The following ARHGAP15 variants were observed in gnomAD, a reference collection of about 807,000 sequenced individuals.
ARHGAP15 encodes rho GTPase-activating protein 15.
A neutral mutation model predicts 63.7 loss-of-function variants in ARHGAP15; 51 were observed. That is an observed-to-expected ratio of 0.80 (90% confidence interval 0.64 to 1.01). The LOEUF is 1.01. Among genes scored for constraint, ARHGAP15 ranks in the 50% least tolerant of loss-of-function variants. The pLI is 0.00. For synonymous variants in ARHGAP15, 191 were observed against 193.8 expected, an observed-to-expected ratio of 0.99 and a Z score of 0.12; for missense variants, 560 against 564.6, an observed-to-expected ratio of 0.99 and a Z score of 0.08.
intron 6 of ARHGAP15, among the ~76,000 whole-genome samples, chr2:143,393,390 T>A (rs562545038): frequency 1.4e-3 from 206 of 152,268 alleles, no homozygotes; most frequent in Non-Finnish European, 1.9e-3. Context: ...AGAAAATCTC[T>A]CTAGATAATT....
chr2:143,280,462 T>C (rs923597637), intron 6 of ARHGAP15, among the ~76,000 whole-genome samples: 1 of 152,132 alleles, frequency 6.6e-6, no homozygotes, highest in Non-Finnish European at 1.5e-5. Flanking sequence ...CACTTAAGAC[T>C]TGCACTACCA....
At chr2:143,651,901 A>G (rs1681184119) in intron 12 of ARHGAP15, among the ~76,000 whole-genome samples, 1 of 151,936 alleles carries the variant, frequency 6.6e-6, no homozygotes, top group Admixed American at 6.6e-5. Context: ...CAGTTTTATT[A>G]GGATTTTACG....
chr2:143,204,771 A>G (rs889716493), intron 3 of ARHGAP15, among the ~76,000 whole-genome samples: 3 of 152,042 alleles, frequency 2.0e-5, no homozygotes, highest in South Asian at 2.1e-4. Flanking sequence ...TTCTGCTCCA[A>G]TGAAGCTGAT....
chr2:143,191,192 A>T (rs1691674480), intron 2 of ARHGAP15, among the ~76,000 whole-genome samples: 1 of 152,238 alleles, frequency 6.6e-6, no homozygotes, highest in South Asian at 2.1e-4. Context: ...AGGAACTAGT[A>T]TCCAAAGTAT....
At chr2:143,176,168 A>T (rs1204605674) in intron 2 of ARHGAP15, among the ~76,000 whole-genome samples, 1 of 152,156 alleles carries the variant, frequency 6.6e-6, no homozygotes, top group Non-Finnish European at 1.5e-5. Flanking sequence ...ATACTTCAGG[A>T]GGCTTTTGTC....
At chr2:143,348,108 T>C (rs1037521973) in intron 6 of ARHGAP15, among the ~76,000 whole-genome samples, 1 of 152,164 alleles carries the variant, frequency 6.6e-6, no homozygotes, top group African/African-American at 2.4e-5. Flanking sequence ...ATCATATTTT[T>C]TCCCCAGTAA....
intron 13 of ARHGAP15, among the ~76,000 whole-genome samples, chr2:143,714,891 G>A (rs186041522): frequency 6.6e-6 from 1 of 152,240 alleles, no homozygotes; most frequent in African/African-American, 2.4e-5. Context: ...TCTTTAGGAG[G>A]TTCCAAACTT....
intron 6 of ARHGAP15, among the ~76,000 whole-genome samples, chr2:143,332,048 G>A (rs1221386306): frequency 2.0e-5 from 3 of 152,062 alleles, no homozygotes; most frequent in Non-Finnish European, 4.4e-5. Context: ...AAATAATAAT[G>A]CAGATGTTTG....
At chr2:143,733,198 T>C (rs1685614162) in intron 13 of ARHGAP15, among the ~76,000 whole-genome samples, 2 of 152,144 alleles carry the variant, frequency 1.3e-5, no homozygotes. Context: ...AGAGTACTTA[T>C]TATCAAATCG....
At chr2:143,234,889 C>T (rs1167424905) in intron 5 of ARHGAP15, among the ~76,000 whole-genome samples, 1 of 152,176 alleles carries the variant, frequency 6.6e-6, no homozygotes, top group Non-Finnish European at 1.5e-5. Flanking sequence ...TTTACAGTGG[C>T]AGTCCCACTG....
intron 12 of ARHGAP15, among the ~76,000 whole-genome samples, chr2:143,675,158 A>C (rs1682762520): frequency 6.6e-6 from 1 of 152,196 alleles, no homozygotes; most frequent in South Asian, 2.1e-4. Flanking sequence ...CCATCTCAAG[A>C]AACCACTTTC....
At chr2:143,254,361 A>G (rs1680312052) in intron 6 of ARHGAP15, among the ~76,000 whole-genome samples, 1 of 152,014 alleles carries the variant, frequency 6.6e-6, no homozygotes, top group South Asian at 2.1e-4. Context: ...ACAGTCTTTC[A>G]ATAAGAAGTT....
intron 8 of ARHGAP15, among the ~76,000 whole-genome samples, chr2:143,462,501 C>T (rs1690993283): frequency 6.6e-6 from 1 of 152,170 alleles, no homozygotes; most frequent in Non-Finnish European, 1.5e-5. Flanking sequence ...TTTACAGAAT[C>T]TCATACATCT....
intron 11 of ARHGAP15, among the ~76,000 whole-genome samples, chr2:143,596,220 G>C (rs1697512014): frequency 6.6e-6 from 1 of 152,132 alleles, no homozygotes; most frequent in Non-Finnish European, 1.5e-5. Flanking sequence ...TCTAGACTGA[G>C]TCAATATGAA....
At position 143,662,414 on chromosome 2, in the gene ARHGAP15, G is replaced by A. The variant is rs1265099246; in HGVS notation, c.1138+38147G>A. On this transcript the variant is annotated intron_variant, in intron 12 of 13. Transcript: ENST00000295095. ...GGACATCCACACCAAAAACCCATCT[G>A]TACATCACCATCATCAAAGACCAAA... 3.5e-5 allele frequency among the ~76,000 whole-genome samples: 5 copies of A among 144,868 alleles called. No individual in the cohort carries two copies. In the East Asian group the frequency reaches 1.0e-3, roughly 30 times the overall value.
chr2:143,763,185 T>C (rs1216460292), intron 13 of ARHGAP15, among the ~76,000 whole-genome samples: 1 of 152,090 alleles, frequency 6.6e-6, no homozygotes, highest in Non-Finnish European at 1.5e-5. Flanking sequence ...AATAATTAGA[T>C]GTAAAAAGAG....
intron 11 of ARHGAP15, among the ~76,000 whole-genome samples, chr2:143,557,117 T>C (rs1695835891): frequency 6.6e-6 from 1 of 152,114 alleles, no homozygotes; most frequent in Non-Finnish European, 1.5e-5. Flanking sequence ...TGTATTTTTA[T>C]TGTATGATCC....
intron 9 of ARHGAP15, among the ~76,000 whole-genome samples, chr2:143,512,619 C>G (rs1693639664): frequency 6.6e-6 from 1 of 152,208 alleles, no homozygotes; most frequent in Non-Finnish European, 1.5e-5. Context: ...TTGTCCAATG[C>G]TACATCCATA....
rs34233596 is a variant in ARHGAP15 at position 143,453,799 on chromosome 2, G to GA, written c.703+16770dup. On this transcript the variant is annotated intron_variant, in intron 8 of 13. Transcript: ENST00000295095. ...GAGTGAAAACAAATTTATCCAATCG[G>GA]AAAAAAAAAAAAAGATGTTAAAGAT... 7.1e-3 allele frequency among the ~76,000 whole-genome samples: 996 copies of GA among 140,278 alleles called. 5 individuals are homozygous for GA. The highest frequency in any genetic ancestry group is 0.022 in the Middle Eastern group (6 of 278). 92.0% of individuals were successfully genotyped at this position (140,278 alleles called of 152,430 possible). A position where few individuals can be genotyped will look rare whatever the true frequency, so the allele number is the denominator to read the frequency against.
Sources: allele counts gnomAD v4.1 joint callset (sites outside exome capture counted in the v4.1 genomes callset), GRCh38; gene constraint gnomAD v4.1.1; transcripts MANE v1.5; gene names NCBI Gene and HGNC (gene_info 2026-07-23, HGNC 2026-07-21).